Variants in AQP1 observed in about 807,000 individuals in gnomAD.
AQP1 encodes the protein aquaporin 1 (Colton blood group), also known as aquaporin-1.
In AQP1, 11 loss-of-function variants were observed where a neutral mutation model predicts 19.7. The ratio of observed to expected loss-of-function variants is 0.56; its 90% CI spans 0.35 to 0.92. The LOEUF is 0.92. Ranked by LOEUF, AQP1 falls within the 40% of genes least tolerant of loss-of-function variation. The probability of loss-of-function intolerance (pLI) is 0.01; values close to 1 mark genes in which losing one functional copy is unlikely to be tolerated. For synonymous variants in AQP1, 159 were observed against 166.7 expected (o/e 0.95, Z 0.36); for missense variants, 320 against 369.7 (o/e 0.87, Z 1.10).
At chr7:30,913,855 C>T (rs1791239192) in intron 1 of AQP1, among the ~76,000 whole-genome samples, 1 of 152,174 alleles carries the variant, frequency 6.6e-6, no homozygotes. Flanking sequence ...CCCCCCCAGG[C>T]CTCAGTTGCC....
intron 1 of AQP1, among the ~76,000 whole-genome samples, chr7:30,918,488 G>A (rs1791417420): frequency 6.6e-6 from 1 of 152,210 alleles, no homozygotes; most frequent in African/African-American, 2.4e-5. Flanking sequence ...ATGGAGGAGT[G>A]ACACTCTGGA....
rs559317462 is a variant in AQP1, at chr7:30,914,908, G to A, written c.384+2615G>A. On this transcript the variant is annotated intron_variant, in intron 1 of 3. Transcript: ENST00000311813. ...TGCCCTAGAGAGACCGTGGGCCTCC[G>A]TCCAGCCTGCAAGGTCCCGGCTAGT... Among the ~76,000 whole-genome samples, 134 of 152,362 alleles carry A rather than the reference G, an allele frequency of 8.8e-4. 2 individuals carry two copies. The highest frequency in any genetic ancestry group is 7.2e-3 in the Admixed American group (110 of 15,312).
rs981070210 is a variant in AQP1 at position 30,921,851 on chromosome 7, G to A, written c.385-215G>A. 3 of 1,543,446 alleles carry A rather than the reference G, an allele frequency of 1.9e-6. No homozygotes were observed. The African/African-American group carries it at 4.1e-5, about 21-fold the overall frequency. On this transcript the variant is annotated intron_variant, in intron 1 of 3. Transcript: ENST00000311813. ...TGGGTCTAGGCAGGTATTAGGGGCTGGGCTGGAGTTTCATTAACACAGGGG... is the reference window on the plus strand; with the variant it reads ...TGGGTCTAGGCAGGTATTAGGGGCTAGGCTGGAGTTTCATTAACACAGGGG...
intron 1 of AQP1, among the ~76,000 whole-genome samples, chr7:30,913,063 G>A (rs1363487095): frequency 6.6e-6 from 1 of 152,130 alleles, no homozygotes; most frequent in Non-Finnish European, 1.5e-5. Flanking sequence ...TGTGTCAACT[G>A]TGTGCATGTT....
Position 30,923,729 on chromosome 7 carries a change from C to T in AQP1, c.*100C>T. The T allele has an allele frequency of 6.7e-7, 1 of 1,503,064 alleles. No homozygotes were observed. Among genetic ancestry groups the T allele is most frequent in the South Asian group, 1.3e-5 (1 of 75,518 alleles). 93.1% of individuals were successfully genotyped at this position (1,503,064 alleles called of 1,614,324 possible). ...TACTGTAGACACTCTGACAAGCTGG[C>T]CAAAGTCACTTCCCCAAGATCTGCC... On this transcript the variant is annotated 3_prime_UTR_variant, in exon 4 of 4. Transcript: ENST00000311813. This position sits in a 1 kb window ranked among gnomAD's most constrained non-coding sequence, Gnocchi z 4.8.
chr7:30,911,878 G>T lies in AQP1; in HGVS notation c.-32G>T, dbSNP rs755515550. 1.2e-6 allele frequency: 2 copies of T among 1,611,612 alleles called. No individual in the cohort carries two copies. Among genetic ancestry groups the T allele is most frequent in the Non-Finnish European group, 1.7e-6 (2 of 1,179,906 alleles). On this transcript the variant is annotated 5_prime_UTR_variant, in exon 1 of 4. Coordinates refer to ENST00000311813, the MANE Select transcript of AQP1 (RefSeq NM_198098.4). ...AGCTCTCAGAGGGAATTGAGCACCCGGCAGCGGTCTCAGGCCAAGCCCCCT... is the reference window on the plus strand; with the variant it reads ...AGCTCTCAGAGGGAATTGAGCACCCTGCAGCGGTCTCAGGCCAAGCCCCCT...
rs104894004 is a variant in AQP1, at chr7:30,912,022, C to A, written c.113C>A (p.Pro38Gln). The A allele has an allele frequency of 5.0e-6, 8 of 1,613,544 alleles. 1 individual carries two copies. In the Middle Eastern group the frequency reaches 4.9e-4, roughly 100 times the overall value. The change falls in exon 1 of 4, where the codon CCG (proline) becomes CAG (glutamine). Residue 38 changes from proline to glutamine, a missense_variant. Transcript: ENST00000311813. The surrounding 1 kb of genome is among the most constrained non-coding windows in gnomAD (Gnocchi z 4.3). ...SIGSALGFKY[P>Q]VGNNQTAVQD... The stretch of plus-strand genomic sequence containing the variant: ...GGTTCTGCCCTGGGCTTCAAATACC[C>A]GGTGGGGAACAACCAGACGGCGGTC...
Position 30,923,858 on chromosome 7 carries a change from C to T in AQP1, c.*229C>T, listed in dbSNP as rs367980461. 201 of 1,518,816 alleles carry T rather than the reference C, an allele frequency of 1.3e-4. No homozygotes were observed. In the East Asian group the frequency reaches 4.7e-3, roughly 36 times the overall value. 94.1% of individuals were successfully genotyped at this position (1,518,816 alleles called of 1,614,324 possible). ...CTGGGGACCAAGATTTACCAATTCA[C>T]CCACTCCCTTGAAGTTGTGGAGGAG... On this transcript the variant is annotated 3_prime_UTR_variant, in exon 4 of 4. Coordinates refer to ENST00000311813, the MANE Select transcript of AQP1 (RefSeq NM_198098.4). The surrounding 1 kb of genome is among the most constrained non-coding windows in gnomAD (Gnocchi z 4.8).
chr7:30,911,978 C>G lies in AQP1; in HGVS notation c.69C>G (p.Leu23=). ...TGGCCGAGTTCCTGGCCACGACCCT[C>G]TTTGTCTTCATCAGCATCGGTTCTG... The part of the protein sequence containing the change: ...AVVAEFLATT[L]FVFISIGSAL... The change falls in exon 1 of 4, where the codon CTC becomes CTG. Residue 23 remains leucine (L), a synonymous_variant. Transcript: ENST00000311813. The G allele has an allele frequency of 6.2e-7, 1 of 1,613,636 alleles. No individual in the cohort carries two copies. Among genetic ancestry groups the G allele is most frequent in the Non-Finnish European group, 8.5e-7 (1 of 1,180,038 alleles).
chr7:30,912,376 T>G lies in AQP1; in HGVS notation c.384+83T>G. The stretch of plus-strand genomic sequence containing the variant: ...TTCCATCCTCTGCCCATTGTGCAGA[T>G]GGGGACACTGAGGAACGGAGAGGAC... On this transcript the variant is annotated intron_variant, in intron 1 of 3. Coordinates refer to ENST00000311813, the MANE Select transcript of AQP1 (RefSeq NM_198098.4). This position sits in a 1 kb window ranked among gnomAD's most constrained non-coding sequence, Gnocchi z 4.3. 1.3e-6 allele frequency: 2 copies of G among 1,542,344 alleles called. No homozygotes were observed. The highest frequency in any genetic ancestry group is 1.7e-5 in the Admixed American group (1 of 57,806).
chr7:30,920,913 G>A (rs917613653), intron 1 of AQP1, among the ~76,000 whole-genome samples: 9 of 152,204 alleles, frequency 5.9e-5, no homozygotes, highest in African/African-American at 9.7e-5. Flanking sequence ...CTTGTAGGAT[G>A]GCCTCAGGGT....
rs574976377 is a variant in AQP1, at chr7:30,922,048, C to T, written c.385-18C>T. On this transcript the variant is annotated intron_variant, in intron 1 of 3. Transcript: ENST00000311813. ...GCCTACCCTCCTCACCAGTCCTCACCACCTCTCTCCCCTGCAGCTGGCTGA... is the reference window on the plus strand; with the variant it reads ...GCCTACCCTCCTCACCAGTCCTCACTACCTCTCTCCCCTGCAGCTGGCTGA... 215 of 1,613,544 alleles carry T rather than the reference C, an allele frequency of 1.3e-4. 3 individuals carry two copies. In the South Asian group the frequency reaches 2.3e-3, roughly 17 times the overall value.
At chr7:30,917,260 T>C (rs1176563256) in intron 1 of AQP1, among the ~76,000 whole-genome samples, 1 of 152,206 alleles carries the variant, frequency 6.6e-6, no homozygotes, top group African/African-American at 2.4e-5. Context: ...ACACACATGG[T>C]ACACAAAGCA....
chr7:30,924,192 C>T lies in AQP1; in HGVS notation c.*563C>T. On this transcript the variant is annotated 3_prime_UTR_variant, in exon 4 of 4. Coordinates refer to ENST00000311813, the MANE Select transcript of AQP1 (RefSeq NM_198098.4). The stretch of plus-strand genomic sequence containing the variant: ...CTTACTGCCTGACCTTGGAATCGTC[C>T]CTATATCAGGGCCTGAGTGACCTCC... The T allele has an allele frequency of 9.2e-7, 1 of 1,082,590 alleles. No homozygotes were observed. Among genetic ancestry groups the T allele is most frequent in the Middle Eastern group, 4.2e-4 (1 of 2,404 alleles). The allele number at this position is 1,082,590 out of a possible 1,614,324, so 67.1% of individuals were successfully genotyped here. A position where few individuals can be genotyped will look rare whatever the true frequency, so the allele number is the denominator to read the frequency against.
Position 30,924,074 on chromosome 7 carries a change from C to G in AQP1, c.*445C>G, listed in dbSNP as rs1225299803. 8.2e-6 allele frequency: 10 copies of G among 1,219,400 alleles called. No individual in the cohort carries two copies. The highest frequency in any genetic ancestry group is 1.0e-6 in the Non-Finnish European group (1 of 954,890). 75.5% of individuals were successfully genotyped at this position (1,219,400 alleles called of 1,614,324 possible). The stretch of plus-strand genomic sequence containing the variant: ...AACATGCACCTTGCTCCCAATGGTG[C>G]TTGGAGGGGGAAGAGATCCCAGGAG... On this transcript the variant is annotated 3_prime_UTR_variant, in exon 4 of 4. Transcript: ENST00000311813.
intron 1 of AQP1, among the ~76,000 whole-genome samples, chr7:30,916,677 G>A (rs1478545545): frequency 1.3e-5 from 2 of 152,212 alleles, no homozygotes; most frequent in Non-Finnish European, 1.5e-5. Context: ...TATCCGGAAA[G>A]GCCGGAAAAT....
At chr7:30,921,635 G>T in intron 1 of AQP1, 1 of 1,550,776 alleles carries the variant, frequency 6.4e-7, no homozygotes, top group South Asian at 1.2e-5. Context: ...GTATGAAGCC[G>T]TGTCCCCTGC....
chr7:30,921,926 A>T (rs1366926122), intron 1 of AQP1, 140 bp from the exon 2 acceptor site: 1 of 1,548,538 alleles, frequency 6.5e-7, no homozygotes, highest in Non-Finnish European at 8.8e-7. Context: ...CTTGCCTGGG[A>T]CCCTGTGATG....
At chr7:30,916,619 T>C (rs1331518181) in intron 1 of AQP1, among the ~76,000 whole-genome samples, 1 of 152,202 alleles carries the variant, frequency 6.6e-6, no homozygotes, top group Admixed American at 6.5e-5. Context: ...GGAGCTACAG[T>C]TCTGTGGGGT....
Sources: gnomAD v4.1 joint callset for allele counts (sites outside exome capture counted in the v4.1 genomes callset) on GRCh38, gnomAD v4.1.1 for gene constraint, Gnocchi (gnomAD v3.1) non-coding constraint, MANE v1.5 for transcripts, NCBI Gene and HGNC (gene_info 2026-07-23, HGNC 2026-07-21) for gene names.